Variants in LUZP2 observed in about 807,000 individuals in gnomAD.
LUZP2 encodes the protein leucine zipper protein 2.
In LUZP2, 52 loss-of-function variants were observed where a neutral mutation model predicts 51.6. That is an observed-to-expected ratio of 1.01 (90% confidence interval 0.81 to 1.27). LUZP2 has a LOEUF of 1.27. Among genes scored for constraint, LUZP2 ranks in the 50% most tolerant of loss-of-function variants. The pLI, the probability that LUZP2 is intolerant of heterozygous loss-of-function variation, is 0.00. For missense variants in LUZP2, 436 were observed against 395.4 expected, an observed-to-expected ratio of 1.10 and a Z score of -0.87; for synonymous variants, 154 against 137.3, an observed-to-expected ratio of 1.12 and a Z score of -0.85.
intron 1 of LUZP2, among the ~76,000 whole-genome samples, chr11:24,680,091 C>T (rs776663782): frequency 5.9e-5 from 9 of 151,428 alleles, no homozygotes; most frequent in Admixed American, 1.3e-4. Flanking sequence ...AGTGGAGGAG[C>T]AAGGAGAAAA....
At chr11:25,076,614 TGAAGGAAG>T (rs1358006692) in intron 10 of LUZP2, among the ~76,000 whole-genome samples, 5 of 37,248 alleles carry the variant, frequency 1.3e-4, no homozygotes, top group South Asian at 9.2e-4. Flanking sequence ...AAGGAAGGAA[TGAAGGAAG>T]GAAGGGAGGA....
intron 1 of LUZP2, among the ~76,000 whole-genome samples, chr11:24,522,417 C>T (rs1222111214): frequency 6.6e-6 from 1 of 151,748 alleles, no homozygotes; most frequent in African/African-American, 2.4e-5. Flanking sequence ...TTATGCAATG[C>T]AAAGATATGA....
chr11:25,000,230 A>G (rs967448199), intron 9 of LUZP2, among the ~76,000 whole-genome samples: 2 of 152,168 alleles, frequency 1.3e-5, no homozygotes, highest in African/African-American at 4.8e-5. Flanking sequence ...TTAGCTAGAC[A>G]GAAAAGTTCT....
intron 5 of LUZP2, among the ~76,000 whole-genome samples, chr11:24,799,260 A>G (rs565080891): frequency 6.6e-6 from 1 of 152,330 alleles, no homozygotes; most frequent in Non-Finnish European, 1.5e-5. Flanking sequence ...GAGAAAACTG[A>G]GTAACACATA....
At chr11:25,044,125 C>G (rs28706112) in intron 9 of LUZP2, among the ~76,000 whole-genome samples, 1 of 58,014 alleles carries the variant, frequency 1.7e-5, no homozygotes, top group African/African-American at 6.3e-5. Context: ...ATATCAGATA[C>G]ATATGTAGTC....
intron 5 of LUZP2, among the ~76,000 whole-genome samples, chr11:24,885,837 T>C (rs1362137511): frequency 6.6e-6 from 1 of 152,164 alleles, no homozygotes; most frequent in Non-Finnish European, 1.5e-5. Context: ...AAGTGAAGAA[T>C]AGAAACCTCA....
At chr11:24,534,985 A>G (rs531175931) in intron 1 of LUZP2, among the ~76,000 whole-genome samples, 15 of 151,410 alleles carry the variant, frequency 9.9e-5, no homozygotes, top group Admixed American at 8.6e-4. Context: ...GACCACTTCA[A>G]TAAAATGAAT....
intron 9 of LUZP2, among the ~76,000 whole-genome samples, chr11:24,996,128 G>C (rs998260513): frequency 1.3e-5 from 2 of 150,794 alleles, no homozygotes; most frequent in East Asian, 3.9e-4. Flanking sequence ...GTGTATCTGA[G>C]TTTTTTTCGG....
At chr11:25,018,417 A>T (rs955200155) in intron 9 of LUZP2, among the ~76,000 whole-genome samples, 1 of 152,098 alleles carries the variant, frequency 6.6e-6, no homozygotes, top group African/African-American at 2.4e-5. Flanking sequence ...CACTTTCTGA[A>T]AGATGGAGTG....
chr11:24,563,112 T>C (rs1237633636), intron 1 of LUZP2, among the ~76,000 whole-genome samples: 1 of 152,174 alleles, frequency 6.6e-6, no homozygotes, highest in Non-Finnish European at 1.5e-5. Context: ...ATATGCAAAT[T>C]AACTAGCTTC....
At chr11:25,069,716 T>C (rs1215389437) in intron 10 of LUZP2, among the ~76,000 whole-genome samples, 3 of 151,980 alleles carry the variant, frequency 2.0e-5, no homozygotes, top group Non-Finnish European at 4.4e-5. Context: ...TATCAACTTA[T>C]TCACTTATAT....
intron 1 of LUZP2, among the ~76,000 whole-genome samples, chr11:24,546,649 T>G (rs1851553383): frequency 6.6e-6 from 1 of 152,200 alleles, no homozygotes; most frequent in Admixed American, 6.6e-5. Context: ...AATAAGCTTT[T>G]GATATGTTGC....
chr11:24,988,425 A>G (rs891143291), intron 9 of LUZP2, among the ~76,000 whole-genome samples: 2 of 152,012 alleles, frequency 1.3e-5, no homozygotes, highest in Admixed American at 6.6e-5. Context: ...AGGTTTCTGC[A>G]AAGGAAGTTG....
chr11:24,516,835 C>T (rs1850480342), intron 1 of LUZP2, among the ~76,000 whole-genome samples: 2 of 152,138 alleles, frequency 1.3e-5, no homozygotes, highest in African/African-American at 4.8e-5. Flanking sequence ...TAACAGCTGC[C>T]TGTTTATGTG....
At chr11:25,049,680 G>A (rs1858430336) in intron 9 of LUZP2, among the ~76,000 whole-genome samples, 1 of 151,852 alleles carries the variant, frequency 6.6e-6, no homozygotes, top group Admixed American at 6.6e-5. Flanking sequence ...TCTATATACT[G>A]GGGGTTAAAA....
chr11:24,970,811 C>A (rs1855717682), intron 7 of LUZP2, among the ~76,000 whole-genome samples: 1 of 152,104 alleles, frequency 6.6e-6, no homozygotes, highest in South Asian at 2.1e-4. Context: ...CTCCTTGGAG[C>A]ACTACACTTA....
intron 1 of LUZP2, among the ~76,000 whole-genome samples, chr11:24,517,604 A>C (rs1474248677): frequency 1.3e-5 from 2 of 151,754 alleles, no homozygotes; most frequent in Non-Finnish European, 2.9e-5. Flanking sequence ...GACTCCAAAA[A>C]CATTAATCAC....
At chr11:24,646,550 T>C in intron 1 of LUZP2, 3 of 979,180 alleles carry the variant, frequency 3.1e-6, no homozygotes, top group Non-Finnish European at 3.6e-6. Flanking sequence ...GATTGCAAGA[T>C]GACTGCTTCT....
At chr11:24,610,217 A>G (rs922970343) in intron 1 of LUZP2, among the ~76,000 whole-genome samples, 4 of 152,256 alleles carry the variant, frequency 2.6e-5, no homozygotes, top group African/African-American at 9.6e-5. Flanking sequence ...GAATAGAGAC[A>G]CAAATAGTGA....
Sources: gnomAD v4.1 joint callset for allele counts (sites outside exome capture counted in the v4.1 genomes callset) on GRCh38, gnomAD v4.1.1 for gene constraint, MANE v1.5 for transcripts, NCBI Gene and HGNC (gene_info 2026-07-23, HGNC 2026-07-21) for gene names.